FAT3: variants seen among roughly 807,000 people sequenced by gnomAD.
The protein encoded by FAT3 is protocadherin Fat 3.
FAT3 carries 95 observed loss-of-function variants against 310.2 expected under a neutral mutation model. The observed-to-expected ratio is 0.31, with a 90% CI of 0.26 to 0.36. The LOEUF (loss-of-function observed/expected upper bound fraction) is 0.36, where lower values mean the gene tolerates loss of function less well. Among genes scored for constraint, FAT3 ranks in the 10% least tolerant of loss-of-function variants. The pLI is 1.00. For synonymous variants in FAT3, 2,314 were observed against 2,192.9 expected, an observed-to-expected ratio of 1.06 and a Z score of -1.54; for missense variants, 5,408 against 5,715.6, an observed-to-expected ratio of 0.95 and a Z score of 1.74.
chr11:92,676,974 G>A (rs1052920640), intron 3 of FAT3, among the ~76,000 whole-genome samples: 3 of 152,182 alleles, frequency 2.0e-5, no homozygotes, highest in Admixed American at 2.0e-4. Context: ...ATATCAGGTT[G>A]AGTTGGGACT....
chr11:92,301,997 ACT>A (rs1367077739), intron 1 of FAT3, among the ~76,000 whole-genome samples: 3 of 151,796 alleles, frequency 2.0e-5, no homozygotes, highest in Non-Finnish European at 2.9e-5. Flanking sequence ...AACTGCTGAA[ACT>A]CTGCTTCAGG....
At chr11:92,461,218 T>C (rs2135109354) in intron 2 of FAT3, among the ~76,000 whole-genome samples, 1 of 152,286 alleles carries the variant, frequency 6.6e-6, no homozygotes, top group African/African-American at 2.4e-5. Flanking sequence ...TCCCTTTGCA[T>C]TTCTCTGTGG....
intron 3 of FAT3, among the ~76,000 whole-genome samples, chr11:92,566,574 T>C (rs1217257204): frequency 4.5e-4 from 68 of 151,838 alleles, no homozygotes; most frequent in Admixed American, 8.5e-4. Flanking sequence ...GAGCCCGCAT[T>C]GCCAAGTCAA....
At chr11:92,763,240 G>A (rs969535614) in intron 5 of FAT3, among the ~76,000 whole-genome samples, 10 of 151,644 alleles carry the variant, frequency 6.6e-5, no homozygotes, top group African/African-American at 1.5e-4. Context: ...TATTTTAAAC[G>A]ATGGCCTGAG....
intron 3 of FAT3, among the ~76,000 whole-genome samples, chr11:92,643,721 G>A (rs1191582546): frequency 1.3e-5 from 2 of 152,202 alleles, no homozygotes; most frequent in African/African-American, 4.8e-5. Flanking sequence ...AAACACCCCA[G>A]GCTCTCACAG....
chr11:92,856,255 C>CG (rs2136320125), intron 19 of FAT3, among the ~76,000 whole-genome samples: 1 of 152,198 alleles, frequency 6.6e-6, no homozygotes. Flanking sequence ...TCTCAGTTCA[C>CG]GGGGAAAGGG....
At chr11:92,279,478 C>T (rs765268382) in intron 1 of FAT3, among the ~76,000 whole-genome samples, 6 of 152,138 alleles carry the variant, frequency 3.9e-5, no homozygotes, top group Non-Finnish European at 7.3e-5. Flanking sequence ...CTAAGTGCTT[C>T]ACATGTATTA....
chr11:92,662,517 C>T (rs1168710109), intron 3 of FAT3, among the ~76,000 whole-genome samples: 1 of 152,180 alleles, frequency 6.6e-6, no homozygotes, highest in Non-Finnish European at 1.5e-5. Flanking sequence ...TAGCCATAGT[C>T]AGAGTCACAG....
intron 1 of FAT3, among the ~76,000 whole-genome samples, chr11:92,313,105 G>A (rs960642607): frequency 1.3e-5 from 2 of 152,246 alleles, no homozygotes; most frequent in Middle Eastern, 3.4e-3. Context: ...GTTTTGAAAA[G>A]GCAAATTTGT....
intron 4 of FAT3, among the ~76,000 whole-genome samples, chr11:92,738,030 T>G (rs1227777412): frequency 6.6e-6 from 1 of 152,260 alleles, no homozygotes; most frequent in African/African-American, 2.4e-5. Flanking sequence ...CCTATAAACC[T>G]TTACTTCTTA....
intron 9 of FAT3, among the ~76,000 whole-genome samples, chr11:92,795,603 T>C (rs1021010880): frequency 6.6e-6 from 1 of 151,968 alleles, no homozygotes; most frequent in Non-Finnish European, 1.5e-5. Flanking sequence ...GGCCATGGGA[T>C]AGCAGGATTA....
intron 15 of FAT3, among the ~76,000 whole-genome samples, chr11:92,836,081 A>G (rs1948399670): frequency 6.6e-6 from 1 of 152,130 alleles, no homozygotes; most frequent in Non-Finnish European, 1.5e-5. Flanking sequence ...GACTGTTTCC[A>G]TACATATAAA....
intron 1 of FAT3, among the ~76,000 whole-genome samples, chr11:92,257,624 C>T (rs1329897093): frequency 1.3e-5 from 2 of 151,976 alleles, no homozygotes; most frequent in Non-Finnish European, 2.9e-5. Context: ...TGAAAAATGG[C>T]AGTGTAGTGG....
intron 1 of FAT3, among the ~76,000 whole-genome samples, chr11:92,247,340 T>A (rs1028335338): frequency 2.0e-5 from 3 of 151,668 alleles, no homozygotes; most frequent in African/African-American, 2.4e-5. Context: ...TTTTTTTTTT[T>A]ACTTTTGTAG....
chr11:92,857,382 T>G (rs759056785), intron 20 of FAT3, 34 bp downstream of exon 20: 1 of 1,611,332 alleles, frequency 6.2e-7, no homozygotes, highest in South Asian at 1.1e-5. Context: ...CAGATCTAAT[T>G]TCATATTCCT....
Position 92,887,028 on chromosome 11 carries a change from G to GACT in FAT3, c.12968_12969insTAC (p.Thr4323dup), listed in dbSNP as rs1332610002. ...AAGGGGTTGATGACCCGGGAGAAGT[G>GACT]ACCTGCTTTGCAGGTAGTAATAAAG... is the stretch of plus-strand genomic sequence containing the variant. On this transcript the variant is annotated inframe_insertion, in exon 25 of 28. Coordinates refer to ENST00000525166, the MANE Select transcript of FAT3 (RefSeq NM_001367949.2). 6.2e-7 allele frequency: 1 copy of GACT among 1,609,292 alleles called. No individual in the cohort carries two copies. The highest frequency in any genetic ancestry group is 1.7e-5 in the Admixed American group (1 of 59,434).
intron 2 of FAT3, among the ~76,000 whole-genome samples, chr11:92,499,739 G>A (rs1219707833): frequency 2.6e-5 from 4 of 151,894 alleles, no homozygotes; most frequent in African/African-American, 4.8e-5. Flanking sequence ...GTGTGTGTGT[G>A]TGTGTGTGTG....
intron 3 of FAT3, among the ~76,000 whole-genome samples, chr11:92,582,839 G>C (rs492188): frequency 1 from 152,043 of 152,156 alleles, 75,967 homozygotes; most frequent in Middle Eastern, 1. Flanking sequence ...ATGCAATACT[G>C]TGAATATTAT....
chr11:92,740,521 G>A (rs1476066531), intron 4 of FAT3, among the ~76,000 whole-genome samples: 2 of 152,172 alleles, frequency 1.3e-5, no homozygotes, highest in East Asian at 3.9e-4. Context: ...AATCATTGGA[G>A]TCTTTAAATG....
Sources: allele counts gnomAD v4.1 joint callset (sites outside exome capture counted in the v4.1 genomes callset), GRCh38; gene constraint gnomAD v4.1.1; transcripts MANE v1.5; gene names NCBI Gene and HGNC (gene_info 2026-07-23, HGNC 2026-07-21).